TTC28: variants seen among roughly 807,000 people sequenced by gnomAD.
TTC28 encodes the protein tetratricopeptide repeat protein 28.
Under a neutral mutation model 198.0 loss-of-function variants are expected in TTC28, and 61 were observed. That is an observed-to-expected ratio of 0.31 (90% confidence interval 0.25 to 0.38). The LOEUF (loss-of-function observed/expected upper bound fraction) is 0.38. Ranked by LOEUF, TTC28 falls within the 10% of genes least tolerant of loss-of-function variation. The probability of loss-of-function intolerance (pLI) is 1.00; values close to 1 mark genes in which losing one functional copy is unlikely to be tolerated. For synonymous variants in TTC28, 1,171 were observed against 1,297.8 expected (o/e 0.90, Z 2.10); for missense variants, 2,678 against 3,164.0 (o/e 0.85, Z 3.69).
chr22:28,648,102 T>C (rs1263882803), intron 1 of TTC28, among the ~76,000 whole-genome samples: 1 of 150,442 alleles, frequency 6.6e-6, no homozygotes, highest in African/African-American at 2.4e-5. Context: ...TGGGCGCCTG[T>C]AGTCCCAGCT....
chr22:28,002,437 A>G (rs1045056254), intron 14 of TTC28: 3 of 152,226 alleles, frequency 2.0e-5, no homozygotes, highest in African/African-American at 7.2e-5. Flanking sequence ...GTGGCTGACA[A>G]GCGGACACCC....
intron 2 of TTC28, among the ~76,000 whole-genome samples, chr22:28,363,208 C>T (rs540708552): frequency 6.6e-6 from 1 of 152,100 alleles, no homozygotes; most frequent in Non-Finnish European, 1.5e-5. Context: ...TGTGTATAGT[C>T]TAGGGACTTA....
At chr22:28,360,390 C>A (rs2046140107) in intron 2 of TTC28, among the ~76,000 whole-genome samples, 1 of 152,150 alleles carries the variant, frequency 6.6e-6, no homozygotes, top group Non-Finnish European at 1.5e-5. Flanking sequence ...TGATACCCTG[C>A]AATAAAGCTA....
intron 14 of TTC28, chr22:28,002,597 C>T (rs1039416342): frequency 3.9e-5 from 6 of 152,070 alleles, no homozygotes; most frequent in Admixed American, 1.3e-4. Context: ...CTCTGTAAAC[C>T]CATATGGTTT....
intron 2 of TTC28, among the ~76,000 whole-genome samples, chr22:28,362,892 G>A (rs1278554704): frequency 6.6e-6 from 1 of 152,092 alleles, no homozygotes; most frequent in South Asian, 2.1e-4. Context: ...TGCTGTTAAA[G>A]GCATTCAGTT....
intron 2 of TTC28, among the ~76,000 whole-genome samples, chr22:28,326,969 A>AACACAAACACACACACACACAC (rs2045540636): frequency 2.2e-5 from 2 of 91,486 alleles, no homozygotes; most frequent in Admixed American, 2.4e-4. Flanking sequence ...AGCATACACA[A>AACACAAACACACACACACACAC]ACACAAACAC....
At chr22:28,099,528 C>T (rs933283386) in intron 9 of TTC28, among the ~76,000 whole-genome samples, 1 of 152,186 alleles carries the variant, frequency 6.6e-6, no homozygotes, top group Non-Finnish European at 1.5e-5. Context: ...TGACTTCCCT[C>T]GGACCTCAGT....
intron 2 of TTC28, among the ~76,000 whole-genome samples, chr22:28,620,084 G>T (rs560528705): frequency 6.6e-6 from 1 of 152,292 alleles, no homozygotes; most frequent in Admixed American, 6.5e-5. Flanking sequence ...GGGCACAGTG[G>T]CTCACGCCTG....
At chr22:28,021,455 C>A (rs1326767348) in intron 13 of TTC28, among the ~76,000 whole-genome samples, 1 of 152,164 alleles carries the variant, frequency 6.6e-6, no homozygotes, top group African/African-American at 2.4e-5. Context: ...AGGCTTTGCT[C>A]CTCACGGCAC....
At chr22:28,084,315 T>A (rs1941478909) in intron 12 of TTC28, among the ~76,000 whole-genome samples, 1 of 152,064 alleles carries the variant, frequency 6.6e-6, no homozygotes, top group African/African-American at 2.4e-5. Context: ...AGACAAAACT[T>A]CCAGAGGAAT....
chr22:28,079,872 G>T (rs571799494), intron 12 of TTC28, among the ~76,000 whole-genome samples: 154 of 152,194 alleles, frequency 1.0e-3, no homozygotes, highest in African/African-American at 3.5e-3. Flanking sequence ...GGTACTATAG[G>T]CATACGACCA....
intron 2 of TTC28, among the ~76,000 whole-genome samples, chr22:28,521,374 T>C (rs2048904983): frequency 6.6e-6 from 1 of 152,106 alleles, no homozygotes; most frequent in South Asian, 2.1e-4. Context: ...GCCTCTGCAC[T>C]TCAGTCTGGG....
At chr22:28,474,523 G>C (rs147086968) in intron 2 of TTC28, among the ~76,000 whole-genome samples, 245 of 152,320 alleles carry the variant, frequency 1.6e-3, no homozygotes, top group African/African-American at 5.5e-3. Context: ...GGTGTGGTTA[G>C]AGGGTTCCAT....
intron 2 of TTC28, among the ~76,000 whole-genome samples, chr22:28,617,024 G>A (rs1401721766): frequency 6.6e-6 from 1 of 151,954 alleles, no homozygotes; most frequent in Non-Finnish European, 1.5e-5. Context: ...CCATTCCTTT[G>A]GGTTCTTTTC....
intron 6 of TTC28, among the ~76,000 whole-genome samples, chr22:28,159,465 G>A (rs1943834528): frequency 6.6e-6 from 1 of 152,080 alleles, no homozygotes; most frequent in South Asian, 2.1e-4. Context: ...ACCAGCCTGG[G>A]CAATATGCTG....
chr22:28,375,886 A>G (rs535177297), intron 2 of TTC28, among the ~76,000 whole-genome samples: 1 of 152,336 alleles, frequency 6.6e-6, no homozygotes, highest in South Asian at 2.1e-4. Flanking sequence ...TCAGAACTCC[A>G]GGTTCTATAG....
chr22:28,125,469 G>A (rs1156879570), intron 6 of TTC28, among the ~76,000 whole-genome samples: 1 of 152,200 alleles, frequency 6.6e-6, no homozygotes, highest in Non-Finnish European at 1.5e-5. Context: ...GGTAGTAACT[G>A]TAGAAATGGA....
Position 28,164,985 on chromosome 22 carries a change from G to A in TTC28, c.934-1386C>T, listed in dbSNP as rs1274082100. 2.0e-5 allele frequency among the ~76,000 whole-genome samples: 3 copies of A among 152,128 alleles called. No homozygotes were observed. The South Asian group carries it at 6.2e-4, about 32-fold the overall frequency. On this transcript the variant is annotated intron_variant, in intron 5 of 22. Transcript: ENST00000397906. ...AACCAATGCAGAGAAGTCCTTAAAGGACCTGATGGAGCTGAAAACCATGGC... is the reference window on the plus strand; with the variant it reads ...AACCAATGCAGAGAAGTCCTTAAAGAACCTGATGGAGCTGAAAACCATGGC...
intron 6 of TTC28, among the ~76,000 whole-genome samples, chr22:28,152,292 T>G (rs1303685272): frequency 1.3e-5 from 2 of 152,188 alleles, no homozygotes; most frequent in Non-Finnish European, 2.9e-5. Flanking sequence ...CAGGGACCAC[T>G]GCTTCAGGGT....
Sources: allele counts gnomAD v4.1 joint callset (sites outside exome capture counted in the v4.1 genomes callset), GRCh38; gene constraint gnomAD v4.1.1; transcripts MANE v1.5; gene names NCBI Gene and HGNC (gene_info 2026-07-23, HGNC 2026-07-21).